Variants in TSPAN9 observed in about 807,000 individuals in gnomAD.
TSPAN9 encodes tetraspanin-9.
A neutral mutation model predicts 31.0 loss-of-function variants in TSPAN9; 16 were observed. The ratio of observed to expected loss-of-function variants is 0.52; its 90% CI spans 0.35 to 0.78. The LOEUF (loss-of-function observed/expected upper bound fraction) is 0.78. TSPAN9 is among the 30% of genes least tolerant of loss of function. TSPAN9 has a pLI of 0.01. For synonymous variants in TSPAN9, 145 were observed against 121.6 expected, an observed-to-expected ratio of 1.19 and a Z score of -1.27; for missense variants, 272 against 312.5, an observed-to-expected ratio of 0.87 and a Z score of 0.98.
intron 3 of TSPAN9, among the ~76,000 whole-genome samples, chr12:3,256,111 GC>G (rs932328063): frequency 1.3e-5 from 2 of 152,164 alleles, no homozygotes; most frequent in Non-Finnish European, 1.5e-5. Flanking sequence ...TGCTGCTTTG[GC>G]CTTTCTTCAG....
intron 2 of TSPAN9, among the ~76,000 whole-genome samples, chr12:3,152,259 C>T (rs748899600): frequency 1.3e-5 from 2 of 152,222 alleles, no homozygotes; most frequent in South Asian, 2.1e-4. Context: ...GAGGCTGCTG[C>T]GGGGTCAGCC....
At chr12:3,096,047 C>T (rs1320889872) in intron 2 of TSPAN9, among the ~76,000 whole-genome samples, 3 of 151,178 alleles carry the variant, frequency 2.0e-5, no homozygotes, top group Admixed American at 6.6e-5. Flanking sequence ...GCCTCCCGGG[C>T]GGCGCTCCCG....
In TSPAN9 at chr12:3,280,623, C is replaced by T. The variant is rs906428194; in HGVS notation, c.432+140C>T. Reference sequence around the variant, plus strand: ...GGGAGTGGAGTGGTACCCACGGGGGCATTTGCCTGAACTGCTGAGTCAGAT... The same window carrying T: ...GGGAGTGGAGTGGTACCCACGGGGGTATTTGCCTGAACTGCTGAGTCAGAT... On this transcript the variant is annotated intron_variant, in intron 6 of 8. Transcript: ENST00000011898. The surrounding 1 kb of genome is among the most constrained non-coding windows in gnomAD (Gnocchi z 4.5). The T allele has an allele frequency of 4.1e-6, 3 of 725,842 alleles. No individual in the cohort carries two copies. Among genetic ancestry groups the T allele is most frequent in the Non-Finnish European group, 6.9e-6 (3 of 433,670 alleles). 45.0% of individuals were successfully genotyped at this position (725,842 alleles called of 1,614,324 possible).
intron 3 of TSPAN9, among the ~76,000 whole-genome samples, chr12:3,229,920 G>C (rs1238787331): frequency 6.6e-6 from 1 of 152,192 alleles, no homozygotes; most frequent in Non-Finnish European, 1.5e-5. Flanking sequence ...AGTCCGACCT[G>C]GCTCCCCTGG....
chr12:3,230,228 G>A (rs764788710), intron 3 of TSPAN9, among the ~76,000 whole-genome samples: 3 of 152,172 alleles, frequency 2.0e-5, no homozygotes, highest in Non-Finnish European at 2.9e-5. Context: ...GCCGGTGCCG[G>A]TTATAGGCAT....
chr12:3,185,637 C>T (rs140617805), intron 2 of TSPAN9, among the ~76,000 whole-genome samples: 55 of 152,342 alleles, frequency 3.6e-4, no homozygotes, highest in Middle Eastern at 3.4e-3. Context: ...TGTGGCTCTA[C>T]GTGCTGCAGC....
chr12:3,281,851 C>T (rs774459458), intron 8 of TSPAN9, 34 bp downstream of exon 8: 7 of 1,609,886 alleles, frequency 4.3e-6, no homozygotes, highest in Non-Finnish European at 5.9e-6. Flanking sequence ...CTCACCCACC[C>T]TGCTGGCCTC....
rs892838126 is a variant in TSPAN9, at chr12:3,123,162, G to A, written c.-18+39443G>A. Among the ~76,000 whole-genome samples, 32 of 152,168 alleles carry A rather than the reference G, an allele frequency of 2.1e-4. 1 individual carries two copies. The highest frequency in any genetic ancestry group is 1.5e-5 in the Non-Finnish European group (1 of 68,036). On this transcript the variant is annotated intron_variant, in intron 2 of 8. Transcript: ENST00000011898. ...ACAGTGACTCAACTCCAGCCCCGTC[G>A]ACGAACAACAGGAGATTTGTCCAGG...
intron 3 of TSPAN9, among the ~76,000 whole-genome samples, chr12:3,238,645 C>T (rs1054187195): frequency 5.9e-5 from 9 of 152,118 alleles, no homozygotes; most frequent in Admixed American, 1.3e-4. Flanking sequence ...ATTCCCTGTT[C>T]GAGGAGAAAG....
At chr12:3,130,375 G>T (rs963650109) in intron 2 of TSPAN9, among the ~76,000 whole-genome samples, 3 of 152,166 alleles carry the variant, frequency 2.0e-5, no homozygotes, top group Non-Finnish European at 4.4e-5. Context: ...TCTTGTTCGC[G>T]TCAGCTACTA....
chr12:3,161,797 ATC>A (rs1364256868), intron 2 of TSPAN9, among the ~76,000 whole-genome samples: 1 of 91,544 alleles, frequency 1.1e-5, no homozygotes, highest in South Asian at 5.0e-4. Context: ...CTATCTATCT[ATC>A]TATCTATCTA....
chr12:3,274,656 C>T (rs373315476), intron 3 of TSPAN9, among the ~76,000 whole-genome samples: 1 of 152,242 alleles, frequency 6.6e-6, no homozygotes, highest in Non-Finnish European at 1.5e-5. Context: ...CTTGTCCCCC[C>T]GCTTAGCTTC....
intron 2 of TSPAN9, among the ~76,000 whole-genome samples, chr12:3,093,831 C>T (rs2098306310): frequency 1.3e-5 from 2 of 152,210 alleles, no homozygotes; most frequent in Non-Finnish European, 2.9e-5. Context: ...GGAGTCTTCT[C>T]TTGATTTGCT....
chr12:3,241,269 A>C (rs765392402), intron 3 of TSPAN9, among the ~76,000 whole-genome samples: 1 of 152,244 alleles, frequency 6.6e-6, no homozygotes, highest in Non-Finnish European at 1.5e-5. Flanking sequence ...AAAGTATGAT[A>C]TGTGTGTGGA....
chr12:3,271,949 A>G (rs1276423746), intron 3 of TSPAN9, among the ~76,000 whole-genome samples: 1 of 152,238 alleles, frequency 6.6e-6, no homozygotes, highest in Non-Finnish European at 1.5e-5. Context: ...CCAGCATGTC[A>G]GGCTGTGAAA....
intron 3 of TSPAN9, among the ~76,000 whole-genome samples, chr12:3,207,760 G>A (rs1483290154): frequency 6.6e-6 from 1 of 151,924 alleles, no homozygotes; most frequent in Admixed American, 6.6e-5. Context: ...ACGCAGAGAG[G>A]CCCTGTTTTA....
At chr12:3,103,974 A>C (rs1459720718) in intron 2 of TSPAN9, among the ~76,000 whole-genome samples, 1 of 152,096 alleles carries the variant, frequency 6.6e-6, no homozygotes, top group Non-Finnish European at 1.5e-5. Context: ...GGACGGGAGG[A>C]TGAGGCGGGG....
chr12:3,214,453 G>A (rs146128059), intron 3 of TSPAN9, among the ~76,000 whole-genome samples: 45 of 152,032 alleles, frequency 3.0e-4, no homozygotes, highest in African/African-American at 8.4e-4. Flanking sequence ...GCTGCCTGCC[G>A]CGGGGCTGGG....
rs1862886360 is a variant in TSPAN9, at chr12:3,281,229, A to T, written c.464A>T (p.Asp155Val). 1.3e-6 allele frequency: 2 copies of T among 1,551,306 alleles called. No homozygotes were observed. The highest frequency in any genetic ancestry group is 1.7e-6 in the Non-Finnish European group (2 of 1,147,000). Residue 155 changes from aspartate to valine, a missense_variant, in exon 7 of 9, where the codon GAC becomes GTC. Physicochemically the swap from Asp to Val is radical, Grantham distance 152 (BLOSUM62 -3). Transcript: ENST00000011898. ...TGCTGTGGTGTCACTGACTACACAG[A>T]CTGGTACCCAGTGCTGGGGGAGAAC... ...MRCCGVTDYT[D>V]WYPVLGENTV...
Sources: gnomAD v4.1 joint callset for allele counts (sites outside exome capture counted in the v4.1 genomes callset) on GRCh38, gnomAD v4.1.1 for gene constraint, Gnocchi (gnomAD v3.1) non-coding constraint, MANE v1.5 for transcripts, NCBI Gene and HGNC (gene_info 2026-07-23, HGNC 2026-07-21) for gene names.